Variants in CHSY1 observed in about 807,000 individuals in gnomAD.
The protein encoded by CHSY1 is chondroitin sulfate synthase 1, also known as N-acetylgalactosaminyl-proteoglycan 3-beta-glucuronosyltransferase 1.
A neutral mutation model predicts 59.8 loss-of-function variants in CHSY1; 13 were observed. The observed-to-expected ratio is 0.22, with a 90% CI of 0.14 to 0.35. The LOEUF (loss-of-function observed/expected upper bound fraction) is 0.35, where lower values mean the gene tolerates loss of function less well. Ranked by LOEUF, CHSY1 falls within the 10% of genes least tolerant of loss-of-function variation. The pLI is 1.00. For missense variants in CHSY1, 947 were observed against 1,030.6 expected (o/e 0.92, Z 1.11); for synonymous variants, 459 against 401.2 (o/e 1.14, Z -1.72).
intron 2 of CHSY1, among the ~76,000 whole-genome samples, chr15:101,197,600 T>C (rs920964866): frequency 5.3e-5 from 8 of 152,208 alleles, no homozygotes; most frequent in African/African-American, 1.9e-4. Flanking sequence ...ACGGCATTTA[T>C]ATAATGTTAA....
intron 2 of CHSY1, among the ~76,000 whole-genome samples, chr15:101,228,812 A>G (rs565473996): frequency 6.0e-4 from 92 of 152,378 alleles, no homozygotes; most frequent in African/African-American, 2.1e-3. Context: ...GTAACTACAT[A>G]GGTAAAAAAG....
At chr15:101,220,419 T>C (rs1043068951) in intron 2 of CHSY1, among the ~76,000 whole-genome samples, 5 of 152,194 alleles carry the variant, frequency 3.3e-5, no homozygotes, top group Non-Finnish European at 4.4e-5. Flanking sequence ...CCTATCCCTG[T>C]GAGTTCCCTG....
chr15:101,190,488 G>A (rs1053982684), intron 2 of CHSY1, among the ~76,000 whole-genome samples: 7 of 152,154 alleles, frequency 4.6e-5, no homozygotes, highest in Admixed American at 4.6e-4. Context: ...AGGCCTAAAT[G>A]CAAAAGGCAA....
Position 101,198,085 on chromosome 15 carries a change from T to C in CHSY1, c.817-19105A>G, listed in dbSNP as rs186259425. 1.9e-3 allele frequency among the ~76,000 whole-genome samples: 282 copies of C among 152,184 alleles called. 1 individual carries two copies. Among genetic ancestry groups the C allele is most frequent in the African/African-American group, 6.6e-3 (274 of 41,514 alleles). On this transcript the variant is annotated intron_variant, in intron 2 of 2. Coordinates refer to ENST00000254190, the MANE Select transcript of CHSY1 (RefSeq NM_014918.5). The stretch of plus-strand genomic sequence containing the variant: ...GTCTGACTCCGGCTATCGGGCCTTC[T>C]GTCCAGTTAGGTGTGAACCAAGACC...
chr15:101,215,551 A>G (rs1003554865), intron 2 of CHSY1, among the ~76,000 whole-genome samples: 8 of 152,238 alleles, frequency 5.3e-5, no homozygotes, highest in African/African-American at 1.9e-4. Flanking sequence ...CCTGGCCAAC[A>G]TGGCAAAACC....
chr15:101,250,619 G>C (rs746715575), intron 1 of CHSY1, among the ~76,000 whole-genome samples: 2 of 152,184 alleles, frequency 1.3e-5, no homozygotes, highest in Admixed American at 6.5e-5. Context: ...AATATGCTGC[G>C]GGCATTCTCT....
At position 101,218,421 on chromosome 15, in the gene CHSY1, A is replaced by AC. The variant is rs541421052; in HGVS notation, c.816+16660dup. Among the ~76,000 whole-genome samples the AC allele has an allele frequency of 9.9e-5, 15 of 152,046 alleles. No individual in the cohort carries two copies. The South Asian group carries it at 3.1e-3, about 32-fold the overall frequency. On this transcript the variant is annotated intron_variant, in intron 2 of 2. Transcript: ENST00000254190. Reference sequence around the variant, plus strand: ...AGAACAGCCTGGTCAACATGGTGAAACCCCGTCTCTACTAAAAATACAAAA... The same window carrying AC: ...AGAACAGCCTGGTCAACATGGTGAAACCCCCGTCTCTACTAAAAATACAAAA...
chr15:101,219,633 T>C (rs553413189), intron 2 of CHSY1, among the ~76,000 whole-genome samples: 2 of 152,284 alleles, frequency 1.3e-5, no homozygotes, highest in South Asian at 4.1e-4. Context: ...CAACCATCTG[T>C]GGTCCACTGG....
chr15:101,205,121 G>T (rs540697931), intron 2 of CHSY1, among the ~76,000 whole-genome samples: 134 of 152,112 alleles, frequency 8.8e-4, no homozygotes, highest in African/African-American at 2.8e-3. Flanking sequence ...TTTTTATTAA[G>T]CTTAAAGTTC....
intron 1 of CHSY1, among the ~76,000 whole-genome samples, chr15:101,245,459 T>C (rs1363689912): frequency 6.6e-6 from 1 of 152,226 alleles, no homozygotes; most frequent in African/African-American, 2.4e-5. Context: ...CAGTGATTAG[T>C]TCACGCACCC....
chr15:101,185,161 C>A (rs765293436), intron 2 of CHSY1, among the ~76,000 whole-genome samples: 2 of 152,124 alleles, frequency 1.3e-5, no homozygotes, highest in Non-Finnish European at 2.9e-5. Flanking sequence ...TTACCCTCAG[C>A]GTGTGGAATG....
intron 1 of CHSY1, among the ~76,000 whole-genome samples, chr15:101,236,630 T>G (rs904143662): frequency 2.6e-5 from 4 of 151,254 alleles, no homozygotes; most frequent in African/African-American, 9.7e-5. Context: ...GACCATCCTG[T>G]CTAACACGGT....
chr15:101,183,251 T>A (rs1040720625), intron 2 of CHSY1, among the ~76,000 whole-genome samples: 2 of 151,320 alleles, frequency 1.3e-5, no homozygotes, highest in African/African-American at 4.9e-5. Context: ...ATTAAGGGAG[T>A]CAGGTGCCTG....
chr15:101,213,561 C>T (rs1259406920), intron 2 of CHSY1, among the ~76,000 whole-genome samples: 1 of 152,160 alleles, frequency 6.6e-6, no homozygotes, highest in Non-Finnish European at 1.5e-5. Context: ...AGGAAATGTG[C>T]TACCTGACAA....
chr15:101,203,893 T>A (rs1027138960), intron 2 of CHSY1, among the ~76,000 whole-genome samples: 3 of 152,174 alleles, frequency 2.0e-5, no homozygotes, highest in Non-Finnish European at 4.4e-5. Context: ...AAATGCTGCA[T>A]GTGACCCTAG....
rs759615725 is a variant in CHSY1, at chr15:101,178,312, C to T, written c.1485G>A (p.Lys495=). 25 of 1,608,996 alleles carry T rather than the reference C, an allele frequency of 1.6e-5. No individual in the cohort carries two copies. The highest frequency in any genetic ancestry group is 2.1e-5 in the Non-Finnish European group (25 of 1,175,892). Residue 495 remains lysine, a synonymous_variant, in exon 3 of 3, where the codon AAG becomes AAA. Coordinates refer to ENST00000254190, the MANE Select transcript of CHSY1 (RefSeq NM_014918.5). Reference sequence around the variant, plus strand: ...AGGATCCAGATTCCTGATTGATTCTCTTGGCCAACTCTTGTGCATCCAGCT... The same window carrying T: ...AGGATCCAGATTCCTGATTGATTCTTTTGGCCAACTCTTGTGCATCCAGCT... ...HEELDAQELA[K]RINQESGSLS...
intron 1 of CHSY1, among the ~76,000 whole-genome samples, chr15:101,236,682 G>C (rs373634923): frequency 6.6e-6 from 1 of 151,954 alleles, no homozygotes; most frequent in Non-Finnish European, 1.5e-5. Flanking sequence ...AAAATTAGCC[G>C]TGCGTGCTGG....
chr15:101,251,493 G>GCCGCCGC lies in CHSY1; in HGVS notation c.-38_-37insGCGGCGG. The GCCGCCGC allele has an allele frequency of 8.1e-4, 39 of 48,400 alleles. No individual in the cohort carries two copies. The highest frequency in any genetic ancestry group is 2.8e-3 in the African/African-American group (5 of 1,792). 3.0% of individuals were successfully genotyped at this position (48,400 alleles called of 1,614,324 possible). A position where few individuals can be genotyped will look rare whatever the true frequency, so the allele number is the denominator to read the frequency against. On this transcript the variant is annotated 5_prime_UTR_variant, in exon 1 of 3. Coordinates refer to ENST00000254190, the MANE Select transcript of CHSY1 (RefSeq NM_014918.5). ...TCCGCCCGCCGGGCCGCCGCCGCAG[G>GCCGCCGC]CTCCGCGCGCCCTCAGCCCGCTGCC... is the stretch of plus-strand genomic sequence containing the variant.
intron 2 of CHSY1, among the ~76,000 whole-genome samples, chr15:101,214,891 G>A (rs2038716524): frequency 1.3e-5 from 2 of 151,598 alleles, no homozygotes; most frequent in Admixed American, 1.3e-4. Context: ...GAGGTGGCTG[G>A]ATCATGGAGG....
Sources: gnomAD v4.1 joint callset for allele counts (sites outside exome capture counted in the v4.1 genomes callset) on GRCh38, gnomAD v4.1.1 for gene constraint, MANE v1.5 for transcripts, NCBI Gene and HGNC (gene_info 2026-07-23, HGNC 2026-07-21) for gene names.